RALGPS1: variants seen among roughly 807,000 people sequenced by gnomAD.
RALGPS1 encodes the protein Ral GEF with PH domain and SH3 binding motif 1, also known as ras-specific guanine nucleotide-releasing factor RalGPS1.
RALGPS1 carries 19 observed loss-of-function variants against 78.8 expected under a neutral mutation model. The ratio of observed to expected loss-of-function variants is 0.24; its 90% confidence interval spans 0.17 to 0.35. RALGPS1 has a LOEUF of 0.35. RALGPS1 is among the 10% of genes least tolerant of loss of function. The probability of loss-of-function intolerance (pLI) is 1.00; values close to 1 mark genes in which losing one functional copy is unlikely to be tolerated. For missense variants in RALGPS1, 454 were observed against 688.3 expected (o/e 0.66, Z 3.81); for synonymous variants, 228 against 256.3 (o/e 0.89, Z 1.06).
chr9:127,166,215 C>A lies in RALGPS1; in HGVS notation c.748+9C>A, dbSNP rs751263310. ...AGTTTCCTGCAGCTATGGTTAGTAC[C>A]CTTGTTGTTAGAATTGTGAAATCTT... On this transcript the variant is annotated intron_variant, in intron 9 of 18. Transcript: ENST00000259351. The A allele has an allele frequency of 2.2e-5, 35 of 1,611,112 alleles. No homozygotes were observed. The highest frequency in any genetic ancestry group is 5.1e-5 in the Admixed American group (3 of 59,258).
At chr9:127,202,263 C>A (rs1485535155) in intron 14 of RALGPS1, among the ~76,000 whole-genome samples, 1 of 152,222 alleles carries the variant, frequency 6.6e-6, no homozygotes, top group Admixed American at 6.5e-5. Context: ...AGCAGGCAGG[C>A]AGGAGTTTCT....
intron 18 of RALGPS1, among the ~76,000 whole-genome samples, chr9:127,216,378 C>A (rs1325451826): frequency 1.3e-5 from 2 of 152,206 alleles, no homozygotes; most frequent in Admixed American, 6.5e-5. Context: ...CATCTGACTT[C>A]GGGGAATTTG....
At chr9:127,088,910 G>T in intron 8 of RALGPS1, 1 of 1,613,972 alleles carries the variant, frequency 6.2e-7, no homozygotes, top group Admixed American at 1.7e-5. Context: ...CCTGGCAATG[G>T]CCACGAGAGG....
Position 127,122,016 on chromosome 9 carries a change from G to A in RALGPS1, c.611-44053G>A, listed in dbSNP as rs188826081. On this transcript the variant is annotated intron_variant, in intron 8 of 18. Coordinates refer to ENST00000259351, the MANE Select transcript of RALGPS1 (RefSeq NM_014636.3). This position sits in a 1 kb window ranked among gnomAD's most constrained non-coding sequence, Gnocchi z 6.4. ...CACGCACACTCCCAGCTGCTCTGCC[G>A]TGCCGGGAGCTGCCGGCCGGCACCC... Among the ~76,000 whole-genome samples, 335 of 152,208 alleles carry A rather than the reference G, an allele frequency of 2.2e-3. No homozygotes were observed. The highest frequency in any genetic ancestry group is 7.6e-3 in the African/African-American group (314 of 41,536).
intron 14 of RALGPS1, among the ~76,000 whole-genome samples, 164 bp downstream of exon 14, chr9:127,199,230 G>A (rs1456888868): frequency 2.6e-5 from 4 of 152,158 alleles, no homozygotes; most frequent in Non-Finnish European, 5.9e-5. Flanking sequence ...TAGGAGGGAG[G>A]ATGGAAGAGC....
intron 1 of RALGPS1, among the ~76,000 whole-genome samples, chr9:126,950,836 A>G (rs1485955749): frequency 7.0e-6 from 1 of 141,848 alleles, no homozygotes; most frequent in Non-Finnish European, 1.5e-5. Flanking sequence ...TGAAGGAAAT[A>G]GAGACAAAAA....
At chr9:127,176,581 T>C (rs142601199) in intron 11 of RALGPS1, among the ~76,000 whole-genome samples, 1 of 152,270 alleles carries the variant, frequency 6.6e-6, no homozygotes, top group East Asian at 1.9e-4. Context: ...CCCTCCAAAT[T>C]AGTGTGAATA....
chr9:127,164,534 C>CTTTTTTT (rs1160251459), intron 8 of RALGPS1, among the ~76,000 whole-genome samples: 3 of 62,766 alleles, frequency 4.8e-5, no homozygotes, highest in East Asian at 5.1e-4. Flanking sequence ...CATGCCTGGC[C>CTTTTTTT]TTTTTTTTTT....
chr9:127,212,656 A>G lies in RALGPS1; in HGVS notation c.1383A>G (p.Ile461Met). The change falls in exon 16 of 19, where the codon ATA becomes ATG. Residue 461 changes from isoleucine to methionine, a missense_variant. Ile to Met is a conservative substitution (Grantham distance 10, BLOSUM62 1). Transcript: ENST00000259351. The surrounding 1 kb of genome is among the most constrained non-coding windows in gnomAD (Gnocchi z 6.0). Reference protein sequence around the residue: ...ALSSWTRYWVILSGSTLLYYG... With the variant: ...ALSSWTRYWVMLSGSTLLYYG... ...CCTCGTGGACCAGGTACTGGGTCATACTCTCAGGATCCACCCTCCTGTACT... is the reference window on the plus strand; with the variant it reads ...CCTCGTGGACCAGGTACTGGGTCATGCTCTCAGGATCCACCCTCCTGTACT... The G allele has an allele frequency of 1.2e-6, 2 of 1,613,130 alleles. No homozygotes were observed. The highest frequency in any genetic ancestry group is 1.7e-6 in the Non-Finnish European group (2 of 1,179,466).
intron 14 of RALGPS1, among the ~76,000 whole-genome samples, chr9:127,209,440 G>A (rs2062114946): frequency 6.6e-6 from 1 of 152,216 alleles, no homozygotes; most frequent in Admixed American, 6.5e-5. Context: ...GGTGGCCATT[G>A]GGCCAGTGGC....
intron 8 of RALGPS1, among the ~76,000 whole-genome samples, chr9:127,142,429 G>T (rs1413497266): frequency 6.6e-6 from 1 of 152,164 alleles, no homozygotes; most frequent in African/African-American, 2.4e-5. Flanking sequence ...TAATTGTTTG[G>T]ATGAAGAGGA....
rs760218133 is a variant in RALGPS1 at position 127,212,919 on chromosome 9, C to T, written c.1447-25C>T. 17 of 1,613,864 alleles carry T rather than the reference C, an allele frequency of 1.1e-5. No homozygotes were observed. Among genetic ancestry groups the T allele is most frequent in the Middle Eastern group, 1.7e-4 (1 of 6,058 alleles). On this transcript the variant is annotated intron_variant, in intron 16 of 18. Transcript: ENST00000259351. The surrounding 1 kb of genome is among the most constrained non-coding windows in gnomAD (Gnocchi z 6.0). ...GAGTGGAGGGCTGGGCCCCGGTCTCCGGATGTGTTGTTGCTCTCCTCCAGT... is the reference window on the plus strand; with the variant it reads ...GAGTGGAGGGCTGGGCCCCGGTCTCTGGATGTGTTGTTGCTCTCCTCCAGT...
intron 11 of RALGPS1, among the ~76,000 whole-genome samples, chr9:127,191,939 T>C (rs1005854981): frequency 2.1e-4 from 32 of 152,268 alleles, no homozygotes; most frequent in African/African-American, 5.8e-4. Flanking sequence ...CCTTGTGATC[T>C]GCCCGCCTCG....
intron 3 of RALGPS1, among the ~76,000 whole-genome samples, chr9:126,973,422 A>T (rs1049776537): frequency 5.3e-5 from 8 of 152,172 alleles, no homozygotes; most frequent in African/African-American, 1.7e-4. Flanking sequence ...TCAAATTTTT[A>T]AAAAAGTGGA....
chr9:127,175,330 C>T (rs181383050), intron 11 of RALGPS1, among the ~76,000 whole-genome samples: 2 of 152,332 alleles, frequency 1.3e-5, no homozygotes, highest in African/African-American at 2.4e-5. Context: ...TCAGTGGCCT[C>T]ATCCACAGAA....
intron 1 of RALGPS1, among the ~76,000 whole-genome samples, chr9:126,938,619 C>T (rs1588527114): frequency 6.6e-6 from 1 of 152,230 alleles, no homozygotes; most frequent in Non-Finnish European, 1.5e-5. Flanking sequence ...TATTTGTACA[C>T]CCCTACTGGG....
At chr9:126,917,416 T>C (rs1001078823) in intron 1 of RALGPS1, among the ~76,000 whole-genome samples, 1 of 152,154 alleles carries the variant, frequency 6.6e-6, no homozygotes, top group Admixed American at 6.5e-5. Context: ...TAATGAAAAA[T>C]ACTGCATGTG....
chr9:127,201,568 C>G (rs557765248), intron 14 of RALGPS1, among the ~76,000 whole-genome samples: 1 of 152,230 alleles, frequency 6.6e-6, no homozygotes, highest in African/African-American at 2.4e-5. Flanking sequence ...ACAGGAGAGT[C>G]GGAGGGGAAG....
At chr9:127,199,418 C>T (rs1451316799) in intron 14 of RALGPS1, among the ~76,000 whole-genome samples, 2 of 152,204 alleles carry the variant, frequency 1.3e-5, no homozygotes, top group East Asian at 1.9e-4. Flanking sequence ...GCATGTGGCT[C>T]CGCCTGGTGG....
Sources: allele counts gnomAD v4.1 joint callset (sites outside exome capture counted in the v4.1 genomes callset), GRCh38; gene constraint gnomAD v4.1.1; non-coding constraint Gnocchi (gnomAD v3.1); transcripts MANE v1.5; gene names NCBI Gene and HGNC (gene_info 2026-07-23, HGNC 2026-07-21).